The following CNTNAP2 variants were observed in gnomAD, a reference collection of about 807,000 sequenced individuals.
CNTNAP2 encodes contactin-associated protein-like 2.
In CNTNAP2, 98 loss-of-function variants were observed where a neutral mutation model predicts 155.2. That is an observed-to-expected ratio of 0.63 (90% CI 0.54 to 0.75). CNTNAP2 has a LOEUF of 0.75. Ranked by LOEUF, CNTNAP2 falls within the 30% of genes least tolerant of loss-of-function variation. The pLI is 0.00. For missense variants in CNTNAP2, 1,727 were observed against 1,688.1 expected, an observed-to-expected ratio of 1.02 and a Z score of -0.40; for synonymous variants, 651 against 631.2, an observed-to-expected ratio of 1.03 and a Z score of -0.47.
At chr7:146,184,614 C>T (rs142217542) in intron 1 of CNTNAP2, among the ~76,000 whole-genome samples, 32 of 152,226 alleles carry the variant, frequency 2.1e-4, no homozygotes, top group Admixed American at 9.8e-4. Context: ...GAAGGATTAC[C>T]AACCTCTTCC....
chr7:146,278,410 T>C (rs186689709), intron 1 of CNTNAP2, among the ~76,000 whole-genome samples: 1 of 152,286 alleles, frequency 6.6e-6, no homozygotes, highest in African/African-American at 2.4e-5. Flanking sequence ...GAATAAAGAA[T>C]ACTCCATAGA....
intron 13 of CNTNAP2, among the ~76,000 whole-genome samples, chr7:147,856,806 G>T (rs983112724): frequency 1.3e-5 from 2 of 152,236 alleles, no homozygotes; most frequent in Non-Finnish European, 1.5e-5. Context: ...ATTTTGGGGG[G>T]AGTGGGGTGG....
At chr7:147,694,548 A>G (rs1191571034) in intron 13 of CNTNAP2, among the ~76,000 whole-genome samples, 1 of 152,090 alleles carries the variant, frequency 6.6e-6, no homozygotes, top group Admixed American at 6.6e-5. Flanking sequence ...TCAGATTGTC[A>G]ATTTATTCTC....
intron 10 of CNTNAP2, among the ~76,000 whole-genome samples, chr7:147,476,262 T>G (rs969310954): frequency 6.6e-6 from 1 of 151,802 alleles, no homozygotes; most frequent in Non-Finnish European, 1.5e-5. Context: ...CCCGCCACCA[T>G]GCCCAGCTAC....
At chr7:146,662,538 T>C (rs1404335539) in intron 1 of CNTNAP2, among the ~76,000 whole-genome samples, 1 of 152,174 alleles carries the variant, frequency 6.6e-6, no homozygotes, top group African/African-American at 2.4e-5. Flanking sequence ...TTATATAGGT[T>C]TTTTTGCAAA....
At chr7:146,340,558 A>T (rs1172827191) in intron 1 of CNTNAP2, among the ~76,000 whole-genome samples, 1 of 152,120 alleles carries the variant, frequency 6.6e-6, no homozygotes, top group Non-Finnish European at 1.5e-5. Flanking sequence ...CTTACTAAAA[A>T]TTTGTTATTT....
chr7:146,684,603 T>A, intron 1 of CNTNAP2, among the ~76,000 whole-genome samples: 1 of 102,324 alleles, frequency 9.8e-6, no homozygotes, highest in South Asian at 3.5e-4. Flanking sequence ...GAATAGAATG[T>A]TCCCAAAACA....
At chr7:146,875,205 A>G (rs947204772) in intron 3 of CNTNAP2, among the ~76,000 whole-genome samples, 7 of 152,178 alleles carry the variant, frequency 4.6e-5, no homozygotes, top group African/African-American at 1.4e-4. Context: ...TTTGTTATAC[A>G]TATTTTCATG....
rs570257113 is a variant in CNTNAP2, at chr7:146,501,498, C to T, written c.98-272773C>T. ...TTCCCCAGTTTATCTCACTTGTAGG[C>T]ATAGAATTGTTTATATTATTCCTTT... is the stretch of plus-strand genomic sequence containing the variant. On this transcript the variant is annotated intron_variant, in intron 1 of 23. Coordinates refer to ENST00000361727, the MANE Select transcript of CNTNAP2 (RefSeq NM_014141.6). Among the ~76,000 whole-genome samples, 6 of 152,116 alleles carry T rather than the reference C, an allele frequency of 3.9e-5. No homozygotes were observed. The East Asian group carries it at 7.7e-4, about 20-fold the overall frequency.
At chr7:148,401,976 A>G (rs1229161245) in intron 22 of CNTNAP2, among the ~76,000 whole-genome samples, 2 of 152,262 alleles carry the variant, frequency 1.3e-5, no homozygotes, top group Non-Finnish European at 2.9e-5. Context: ...CTCTGAGAGC[A>G]TTAAGAAATC....
At chr7:147,311,732 A>G (rs1795131360) in intron 9 of CNTNAP2, among the ~76,000 whole-genome samples, 1 of 152,154 alleles carries the variant, frequency 6.6e-6, no homozygotes, top group Non-Finnish European at 1.5e-5. Context: ...CAAAGTTGAT[A>G]TTTTTGTTTG....
intron 13 of CNTNAP2, among the ~76,000 whole-genome samples, chr7:147,853,280 AT>A (rs1563111938): frequency 6.6e-6 from 1 of 152,206 alleles, no homozygotes. Flanking sequence ...AGAAGTGCAG[AT>A]TTATTGCATT....
intron 6 of CNTNAP2, among the ~76,000 whole-genome samples, chr7:147,126,353 A>G (rs955483426): frequency 2.6e-5 from 4 of 152,348 alleles, no homozygotes; most frequent in Admixed American, 2.6e-4. Context: ...CATATGAGCC[A>G]CAGGAATAAT....
At chr7:147,961,876 T>G (rs1377939674) in intron 14 of CNTNAP2, among the ~76,000 whole-genome samples, 1 of 152,172 alleles carries the variant, frequency 6.6e-6, no homozygotes, top group Non-Finnish European at 1.5e-5. Flanking sequence ...ATTAGGAGAT[T>G]AAAATTATTC....
chr7:147,274,144 G>A (rs1804837327), intron 8 of CNTNAP2, among the ~76,000 whole-genome samples: 1 of 151,920 alleles, frequency 6.6e-6, no homozygotes, highest in African/African-American at 2.4e-5. Flanking sequence ...AAATAGTGCT[G>A]TGATCAACAT....
chr7:146,841,740 A>G (rs1466524083), intron 3 of CNTNAP2, among the ~76,000 whole-genome samples: 1 of 152,170 alleles, frequency 6.6e-6, no homozygotes, highest in East Asian at 1.9e-4. Context: ...CTCCTCTCAT[A>G]ATGTGCCAAG....
At chr7:146,999,339 C>A (rs1473480295) in intron 3 of CNTNAP2, among the ~76,000 whole-genome samples, 1 of 150,342 alleles carries the variant, frequency 6.7e-6, no homozygotes, top group Non-Finnish European at 1.5e-5. Context: ...CAATTTACAT[C>A]ATTTTATATT....
chr7:147,598,000 C>T (rs1011329181), intron 12 of CNTNAP2, among the ~76,000 whole-genome samples: 17 of 152,186 alleles, frequency 1.1e-4, no homozygotes, highest in African/African-American at 4.1e-4. Context: ...GTTGCTGGGA[C>T]CACTTAGAAT....
At chr7:147,121,345 A>G (rs1381386330) in intron 6 of CNTNAP2, 182 bp downstream of exon 6, 4 of 602,312 alleles carry the variant, frequency 6.6e-6, no homozygotes, top group Middle Eastern at 4.7e-4. Flanking sequence ...ATTTATAATC[A>G]TGAGTACTTG....
Sources: gnomAD v4.1 joint callset for allele counts (sites outside exome capture counted in the v4.1 genomes callset) on GRCh38, gnomAD v4.1.1 for gene constraint, MANE v1.5 for transcripts, NCBI Gene and HGNC (gene_info 2026-07-23, HGNC 2026-07-21) for gene names.